Variants in ZFAND3 observed in about 807,000 individuals in gnomAD.
ZFAND3 encodes zinc finger AN1-type containing 3, also known as AN1-type zinc finger protein 3.
Under a neutral mutation model 29.6 loss-of-function variants are expected in ZFAND3, and 10 were observed. That is an observed-to-expected ratio of 0.34 (90% CI 0.21 to 0.57). ZFAND3 has a LOEUF of 0.57. ZFAND3 is among the 20% of genes least tolerant of loss of function. ZFAND3 has a pLI of 0.86. For synonymous variants in ZFAND3, 128 were observed against 112.6 expected (o/e 1.14, Z -0.87); for missense variants, 230 against 304.5 (o/e 0.76, Z 1.82).
intron 2 of ZFAND3, among the ~76,000 whole-genome samples, chr6:37,970,066 T>A (rs1289029665): frequency 6.6e-6 from 1 of 152,004 alleles, no homozygotes; most frequent in Non-Finnish European, 1.5e-5. Flanking sequence ...AGGCAGAGGT[T>A]GTAGTGAGCT....
At chr6:37,956,200 T>C (rs1409601148) in intron 2 of ZFAND3, among the ~76,000 whole-genome samples, 1 of 152,214 alleles carries the variant, frequency 6.6e-6, no homozygotes, top group East Asian at 1.9e-4. Context: ...CTTACTGTGC[T>C]CAGGGCAATA....
chr6:38,100,477 A>C (rs1299068835), intron 4 of ZFAND3, among the ~76,000 whole-genome samples: 1 of 152,216 alleles, frequency 6.6e-6, no homozygotes, highest in Non-Finnish European at 1.5e-5. Flanking sequence ...TTGGTGTTGG[A>C]GGAAGTAAGG....
At chr6:37,884,234 C>T (rs1374053257) in intron 1 of ZFAND3, among the ~76,000 whole-genome samples, 2 of 144,974 alleles carry the variant, frequency 1.4e-5, no homozygotes, top group African/African-American at 5.6e-5. Context: ...TGGCTCACGC[C>T]TGTAATCCCA....
rs1351350288 is a variant in ZFAND3 at position 38,041,690 on chromosome 6, T to C, written c.113-19903T>C. ...TTCTTCTTCTTCTTCTTCTTCTCCT[T>C]CTCCTTCTCCTCCTCCTCCTCCTCC... On this transcript the variant is annotated intron_variant, in intron 2 of 5. Coordinates refer to ENST00000287218, the MANE Select transcript of ZFAND3 (RefSeq NM_021943.3). Among the ~76,000 whole-genome samples the C allele has an allele frequency of 2.3e-3, 33 of 14,164 alleles. 2 individuals are homozygous for C. The highest frequency in any genetic ancestry group is 5.3e-3 in the African/African-American group (18 of 3,376). 9.3% of individuals were successfully genotyped at this position (14,164 alleles called of 152,430 possible).
At chr6:38,063,795 G>A (rs951155160) in intron 3 of ZFAND3, among the ~76,000 whole-genome samples, 3 of 152,198 alleles carry the variant, frequency 2.0e-5, no homozygotes, top group African/African-American at 7.2e-5. Flanking sequence ...CCATGTTTTT[G>A]AGCAGAGGAG....
intron 1 of ZFAND3, among the ~76,000 whole-genome samples, chr6:37,846,164 G>A (rs1764173957): frequency 6.6e-6 from 1 of 152,208 alleles, no homozygotes; most frequent in Non-Finnish European, 1.5e-5. Context: ...TAAGCTGTTT[G>A]AGGGTTGAGG....
At chr6:37,994,088 G>A (rs1364138458) in intron 2 of ZFAND3, among the ~76,000 whole-genome samples, 1 of 150,386 alleles carries the variant, frequency 6.6e-6, no homozygotes, top group Non-Finnish European at 1.5e-5. Flanking sequence ...TGTGTCTGTA[G>A]TTCAAAGAAC....
rs560716487 is a variant in ZFAND3, at chr6:37,958,734, G to GC, written c.112+28743dup. On this transcript the variant is annotated intron_variant, in intron 2 of 5. Coordinates refer to ENST00000287218, the MANE Select transcript of ZFAND3 (RefSeq NM_021943.3). ...AAACCTTGCTTGGCTTTTCAGGACCGCCCCCCCCTTCCCCACCCACCGACG... is the reference window on the plus strand; with the variant it reads ...AAACCTTGCTTGGCTTTTCAGGACCGCCCCCCCCCTTCCCCACCCACCGACG... 2.4e-3 allele frequency among the ~76,000 whole-genome samples: 366 copies of GC among 150,430 alleles called. 1 individual carries two copies. Among genetic ancestry groups the GC allele is most frequent in the African/African-American group, 7.1e-3 (292 of 40,886 alleles).
chr6:37,964,299 A>G (rs1266879734), intron 2 of ZFAND3, among the ~76,000 whole-genome samples: 4 of 152,238 alleles, frequency 2.6e-5, no homozygotes, highest in African/African-American at 9.6e-5. Flanking sequence ...CTACAGGACC[A>G]GAAGGGATGC....
In ZFAND3 at chr6:37,837,399, A is replaced by G. The variant is rs545876347; in HGVS notation, c.71+17383A>G. On this transcript the variant is annotated intron_variant, in intron 1 of 5. Coordinates refer to ENST00000287218, the MANE Select transcript of ZFAND3 (RefSeq NM_021943.3). ...ATTTTCTGTAAACATTCTTCAGCGT[A>G]TTTTGCTATATGTAACTGCTCTGTT... 2.6e-5 allele frequency among the ~76,000 whole-genome samples: 4 copies of G among 151,396 alleles called. No homozygotes were observed. In the East Asian group the frequency reaches 5.8e-4, roughly 22 times the overall value.
At chr6:38,069,838 C>CA (rs797020427) in intron 3 of ZFAND3, among the ~76,000 whole-genome samples, 5 of 152,218 alleles carry the variant, frequency 3.3e-5, no homozygotes, top group African/African-American at 1.2e-4. Context: ...CATTTGTAGT[C>CA]AAAATAAGAA....
At chr6:38,148,477 G>A (rs1262025721) in intron 5 of ZFAND3, among the ~76,000 whole-genome samples, 1 of 152,180 alleles carries the variant, frequency 6.6e-6, no homozygotes, top group Non-Finnish European at 1.5e-5. Context: ...AAGAAATGAG[G>A]TAGAGGAAGT....
At chr6:38,080,672 A>G (rs1053258421) in intron 3 of ZFAND3, among the ~76,000 whole-genome samples, 4 of 152,174 alleles carry the variant, frequency 2.6e-5, no homozygotes, top group African/African-American at 4.8e-5. Flanking sequence ...TAAAAAGCCT[A>G]TACTTTTCCA....
chr6:38,025,503 T>C (rs975282511), intron 2 of ZFAND3, among the ~76,000 whole-genome samples: 4 of 152,236 alleles, frequency 2.6e-5, no homozygotes, highest in East Asian at 3.8e-4. Flanking sequence ...CATGAAGATA[T>C]TGAATCTTGT....
At chr6:38,126,908 T>C (rs1162196236) in intron 5 of ZFAND3, among the ~76,000 whole-genome samples, 2 of 150,084 alleles carry the variant, frequency 1.3e-5, no homozygotes, top group Non-Finnish European at 3.0e-5. Context: ...AATTTAAAAG[T>C]TTTATTTTTA....
intron 4 of ZFAND3, among the ~76,000 whole-genome samples, chr6:38,093,617 G>T (rs114291111): frequency 6.6e-6 from 1 of 152,240 alleles, no homozygotes; most frequent in African/African-American, 2.4e-5. Flanking sequence ...CATGAAAGAT[G>T]CATGAGAAGA....
intron 2 of ZFAND3, among the ~76,000 whole-genome samples, chr6:37,963,742 C>G (rs35465740): frequency 0.083 from 12,618 of 152,138 alleles, 633 homozygotes; most frequent in African/African-American, 0.15. Flanking sequence ...CTTTCTTTGA[C>G]TTTCTGCTGT....
chr6:37,923,146 TCA>T (rs1447644025), intron 1 of ZFAND3, among the ~76,000 whole-genome samples: 2 of 152,238 alleles, frequency 1.3e-5, no homozygotes, highest in South Asian at 4.1e-4. Flanking sequence ...TGACAGAGTC[TCA>T]CTCTGTTGCC....
intron 2 of ZFAND3, among the ~76,000 whole-genome samples, chr6:38,000,057 A>G (rs1762918047): frequency 1.3e-5 from 2 of 152,186 alleles, no homozygotes; most frequent in Non-Finnish European, 2.9e-5. Flanking sequence ...AAAAAAGGAA[A>G]ATACTTCTGG....
Sources: gnomAD v4.1 joint callset for allele counts (sites outside exome capture counted in the v4.1 genomes callset) on GRCh38, gnomAD v4.1.1 for gene constraint, MANE v1.5 for transcripts, NCBI Gene and HGNC (gene_info 2026-07-23, HGNC 2026-07-21) for gene names.